Variants in LRP1 observed in about 807,000 individuals in gnomAD.
LRP1 encodes the protein prolow-density lipoprotein receptor-related protein 1.
In LRP1, 51 loss-of-function variants were observed where a neutral mutation model predicts 541.5. The ratio of observed to expected loss-of-function variants is 0.09; its 90% CI spans 0.08 to 0.12. The LOEUF (loss-of-function observed/expected upper bound fraction) is 0.12. Among genes scored for constraint, LRP1 ranks in the 10% least tolerant of loss-of-function variants. LRP1 has a pLI of 1.00. For synonymous variants in LRP1, 2,219 were observed against 2,470.8 expected (o/e 0.90, Z 3.02); for missense variants, 3,878 against 6,376.2 (o/e 0.61, Z 13.34).
At position 57,193,912 on chromosome 12, in the gene LRP1, T is replaced by C; in HGVS notation, c.7818T>C (p.Gly2606=). The C allele has an allele frequency of 6.2e-7, 1 of 1,613,990 alleles. No individual in the cohort carries two copies. ...DEIPCNKTAC[G]VGEFRCRDGT... ...GCACTGTTCTAGAGACAGCCTGTGG[T>C]GTGGGCGAGTTCCGCTGCCGGGACG... is the stretch of plus-strand genomic sequence containing the variant. Residue 2606 remains glycine, a synonymous_variant, in exon 48 of 89, where the codon GGT becomes GGC. Transcript: ENST00000243077.
At chr12:57,131,474 C>T (rs1051880235) in intron 1 of LRP1, among the ~76,000 whole-genome samples, 15 of 152,044 alleles carry the variant, frequency 9.9e-5, no homozygotes, top group Admixed American at 5.2e-4. Context: ...TCCCTTTTTC[C>T]TGACCTTCCT....
At chr12:57,129,821 G>A (rs576776795) in intron 1 of LRP1, among the ~76,000 whole-genome samples, 29 of 152,282 alleles carry the variant, frequency 1.9e-4, no homozygotes, top group African/African-American at 6.5e-4. Flanking sequence ...GGGTGGGGGA[G>A]GCTGCCTTCT....
At position 57,211,227 on chromosome 12, in the gene LRP1, A is replaced by C. The variant is rs2036907041; in HGVS notation, c.12968A>C (p.Asp4323Ala). The C allele has an allele frequency of 6.2e-7, 1 of 1,614,104 alleles. No individual in the cohort carries two copies. Among genetic ancestry groups the C allele is most frequent in the African/African-American group, 1.3e-5 (1 of 74,934 alleles). The change falls in exon 84 of 89, where the codon GAT becomes GCT. Residue 4323 changes from aspartate (D) to alanine (A), a missense_variant. By Grantham distance (126) the Asp-to-Ala change is moderately radical. Transcript: ENST00000243077. This position sits in a 1 kb window ranked among gnomAD's most constrained non-coding sequence, Gnocchi z 4.3. ...ENFGTCQMAA[D>A]GSRQCRCTAY... Reference sequence around the variant, plus strand: ...TTTGGCACATGCCAGATGGCTGCTGATGGCTCCCGACAATGCCGCTGCACT... The same window carrying C: ...TTTGGCACATGCCAGATGGCTGCTGCTGGCTCCCGACAATGCCGCTGCACT...
intron 32 of LRP1, 68 bp downstream of exon 32, chr12:57,180,547 G>T (rs2036143442): frequency 5.0e-6 from 8 of 1,607,458 alleles, no homozygotes; most frequent in Non-Finnish European, 6.8e-6. Flanking sequence ...GGAGACAGGG[G>T]CTGGCTTGGG....
chr12:57,163,114 A>T, intron 15 of LRP1, 131 bp downstream of exon 15: 1 of 1,300,006 alleles, frequency 7.7e-7, no homozygotes, highest in Non-Finnish European at 1.0e-6. Context: ...GGGGGCCAAC[A>T]GGAAGCAAGG....
chr12:57,184,450 C>G lies in LRP1; in HGVS notation c.6184C>G (p.Gln2062Glu), dbSNP rs750894149. 24 of 1,614,080 alleles carry G rather than the reference C, an allele frequency of 1.5e-5. No homozygotes were observed. Among genetic ancestry groups the G allele is most frequent in the South Asian group, 3.3e-5 (3 of 91,088 alleles). ...GCCCAACGGCATCTCAGTGGACTAC[C>G]AGGTTCGCACGCCAACTTGGCCTTG... The part of the protein sequence containing the change: ...SWPNGISVDY[Q>E]DGKLYWCDAR... Residue 2062 changes from glutamine to glutamate, a missense_variant and splice_region_variant, in exon 38 of 89, where the codon CAG becomes GAG. Physicochemically the swap from Gln to Glu is conservative, Grantham distance 29. Coordinates refer to ENST00000243077, the MANE Select transcript of LRP1 (RefSeq NM_002332.3). The surrounding 1 kb of genome is among the most constrained non-coding windows in gnomAD (Gnocchi z 7.8).
In LRP1 at chr12:57,156,318, T is replaced by C; in HGVS notation, c.1417+35T>C. 2 of 1,606,314 alleles carry C rather than the reference T, an allele frequency of 1.2e-6. No individual in the cohort carries two copies. The highest frequency in any genetic ancestry group is 1.7e-6 in the Non-Finnish European group (2 of 1,175,616). ...GCTCCATGGCCCCTCCAAAGCTGGC[T>C]TTACCCCATGATGGCTCTGGGACCT... On this transcript the variant is annotated intron_variant, in intron 9 of 88. Transcript: ENST00000243077. The surrounding 1 kb of genome is among the most constrained non-coding windows in gnomAD (Gnocchi z 5.2).
intron 44 of LRP1, 108 bp downstream of exon 44, chr12:57,191,620 CCA>C (rs1489533463): frequency 2.2e-4 from 205 of 928,618 alleles, no homozygotes; most frequent in Middle Eastern, 6.8e-4. Context: ...CCTACACATA[CCA>C]CACACACACA....
chr12:57,147,495 C>A (rs1160898567), intron 6 of LRP1: 1 of 152,288 alleles, frequency 6.6e-6, no homozygotes, highest in Non-Finnish European at 1.5e-5. Context: ...AGAAGAAAGG[C>A]TGCAGCTTTC....
At chr12:57,209,584 A>T in intron 79 of LRP1, 108 bp from the exon 80 acceptor site, 5 of 905,286 alleles carry the variant, frequency 5.5e-6, no homozygotes, top group Non-Finnish European at 8.9e-6. Context: ...TTTGGTCTGG[A>T]TGTGTTGAGT....
chr12:57,196,014 G>A lies in LRP1; in HGVS notation c.8701+11G>A, dbSNP rs1192735242. 6.2e-7 allele frequency: 1 copy of A among 1,612,310 alleles called. No homozygotes were observed. The highest frequency in any genetic ancestry group is 8.5e-7 in the Non-Finnish European group (1 of 1,179,886). On this transcript the variant is annotated intron_variant, in intron 54 of 88. Coordinates refer to ENST00000243077, the MANE Select transcript of LRP1 (RefSeq NM_002332.3). ...ACTGCACCAGCCAAGGTGGGCCCCA[G>A]ACCTGGCTCCCCTCTGCCCCCTCCC...
intron 61 of LRP1, 24 bp from the exon 62 acceptor site, chr12:57,199,853 A>C: frequency 1.3e-6 from 2 of 1,567,676 alleles, no homozygotes; most frequent in Non-Finnish European, 1.7e-6. Flanking sequence ...ATGTCACCAT[A>C]TTTCACGACG....
intron 69 of LRP1, 46 bp from the exon 70 acceptor site, chr12:57,203,343 T>TG: frequency 6.3e-7 from 1 of 1,591,036 alleles, no homozygotes; most frequent in Non-Finnish European, 8.6e-7. Flanking sequence ...AGGCAGGGCT[T>TG]GGGGAGTGCC....
In LRP1 at chr12:57,200,455, A is replaced by G. The variant is rs752847653; in HGVS notation, c.10028A>G (p.Asn3343Ser). The change falls in exon 63 of 89, where the codon AAC becomes AGC. Residue 3343 changes from asparagine to serine, a missense_variant. Transcript: ENST00000243077. ...CCTGCCCTCCAGTTTGTATGCAAGA[A>G]CGACAAGTGCATCCCCTTCTGGTGG... is the stretch of plus-strand genomic sequence containing the variant. ...NCTASQFVCK[N>S]DKCIPFWWKC... 4 of 1,613,414 alleles carry G rather than the reference A, an allele frequency of 2.5e-6. No individual in the cohort carries two copies. Among genetic ancestry groups the G allele is most frequent in the Non-Finnish European group, 3.4e-6 (4 of 1,179,658 alleles).
chr12:57,205,565 C>T lies in LRP1; in HGVS notation c.11478C>T (p.Asn3826=), dbSNP rs137974835. 8.1e-6 allele frequency: 13 copies of T among 1,613,884 alleles called. No individual in the cohort carries two copies. Among genetic ancestry groups the T allele is most frequent in the South Asian group, 7.7e-5 (7 of 91,090 alleles). Residue 3826 remains asparagine, a synonymous_variant, in exon 75 of 89, where the codon AAC becomes AAT. Coordinates refer to ENST00000243077, the MANE Select transcript of LRP1 (RefSeq NM_002332.3). This position sits in a 1 kb window ranked among gnomAD's most constrained non-coding sequence, Gnocchi z 4.6. ...CCTCCCTGTAACCCTTAGACATCAA[C>T]GAGTGCCTGCGCTTCGGCACCTGCT... is the stretch of plus-strand genomic sequence containing the variant. ...VPGQPGCQDI[N]ECLRFGTCSQ...
chr12:57,166,342 C>T (rs1313816996), intron 17 of LRP1, 133 bp downstream of exon 17: 2 of 1,241,226 alleles, frequency 1.6e-6, no homozygotes, highest in South Asian at 1.5e-5. Context: ...ATCACTTGAG[C>T]CCAGGAGCTC....
In LRP1 at chr12:57,177,509, C is replaced by T; in HGVS notation, c.4279C>T (p.His1427Tyr). 6.2e-7 allele frequency: 1 copy of T among 1,613,810 alleles called. No homozygotes were observed. The highest frequency in any genetic ancestry group is 8.5e-7 in the Non-Finnish European group (1 of 1,179,954). The change falls in exon 26 of 89, where the codon CAC becomes TAC. Residue 1427 changes from histidine (H) to tyrosine (Y), a missense_variant. His to Tyr is a moderately conservative substitution (Grantham distance 83, BLOSUM62 2). Around this residue, in one of 13 missense-constraint regions of LRP1, gnomAD observed 16 missense variants for 18.4 expected, o/e 0.87. Coordinates refer to ENST00000243077, the MANE Select transcript of LRP1 (RefSeq NM_002332.3). The surrounding 1 kb of genome is among the most constrained non-coding windows in gnomAD (Gnocchi z 6.8). ...SMSGAGRRTVHRETGSGGWPN... is the reference protein window; with the variant it reads ...SMSGAGRRTVYRETGSGGWPN... ...GAGTGGGGCTGGGCGCCGCACCGTG[C>T]ACCGGGAGACCGGCTCTGGGGGCTG...
chr12:57,143,271 T>C (rs1056124231), intron 3 of LRP1, among the ~76,000 whole-genome samples: 1 of 152,144 alleles, frequency 6.6e-6, no homozygotes, highest in Non-Finnish European at 1.5e-5. Context: ...CACGATTCCA[T>C]GCCCACTTTT....
chr12:57,182,027 G>A (rs1243796322), intron 34 of LRP1, among the ~76,000 whole-genome samples: 2 of 152,188 alleles, frequency 1.3e-5, no homozygotes, highest in Non-Finnish European at 2.9e-5. Context: ...TCAGAGCCTT[G>A]AATATGTTTA....
Sources: allele counts gnomAD v4.1 joint callset (sites outside exome capture counted in the v4.1 genomes callset), GRCh38; gene constraint gnomAD v4.1.1; regional missense constraint gnomAD v4.1.1; non-coding constraint Gnocchi (gnomAD v3.1); transcripts MANE v1.5; gene names NCBI Gene and HGNC (gene_info 2026-07-23, HGNC 2026-07-21).